The following GPATCH8 variants were observed in gnomAD, a reference collection of about 807,000 sequenced individuals.
GPATCH8 encodes the protein G-patch domain containing 8, also known as G patch domain-containing protein 8.
A neutral mutation model predicts 118.3 loss-of-function variants in GPATCH8; 18 were observed. The observed-to-expected ratio is 0.15, with a 90% CI of 0.11 to 0.23. The LOEUF (loss-of-function observed/expected upper bound fraction) is 0.23. Among genes scored for constraint, GPATCH8 ranks in the 10% least tolerant of loss-of-function variants. The probability of loss-of-function intolerance (pLI) is 1.00; values close to 1 mark genes in which losing one functional copy is unlikely to be tolerated. For synonymous variants in GPATCH8, 659 were observed against 684.7 expected (o/e 0.96, Z 0.59); for missense variants, 1,631 against 1,873.8 (o/e 0.87, Z 2.39).
chr17:44,489,901 T>C (rs1265517958), intron 1 of GPATCH8, among the ~76,000 whole-genome samples: 1 of 152,172 alleles, frequency 6.6e-6, no homozygotes, highest in Non-Finnish European at 1.5e-5. Flanking sequence ...CAACAGGATC[T>C]GAAAGGTATT....
rs2051683787 is a variant in GPATCH8 at position 44,464,503 on chromosome 17, C to T, written c.162G>A (p.Lys54=). ...GAGATTTTCCCAATCCCTGGCCCAG[C>T]TTCCACCCATGTTTCTGGAGTAAGC... ...GHRLLQKHGW[K]LGQGLGKSLQ... Residue 54 remains lysine (K), a synonymous_variant, in exon 3 of 8, where the codon AAG becomes AAA. Coordinates refer to ENST00000591680, the MANE Select transcript of GPATCH8 (RefSeq NM_001002909.4). 1.9e-6 allele frequency: 3 copies of T among 1,606,072 alleles called. No individual in the cohort carries two copies. The highest frequency in any genetic ancestry group is 2.6e-6 in the Non-Finnish European group (3 of 1,173,704).
intron 1 of GPATCH8, among the ~76,000 whole-genome samples, chr17:44,500,807 A>C (rs1206757577): frequency 6.6e-6 from 1 of 152,248 alleles, no homozygotes; most frequent in East Asian, 1.9e-4. Context: ...GGCTTCACCC[A>C]AAACCTTAAA....
chr17:44,461,605 C>T (rs2051551783), intron 3 of GPATCH8, among the ~76,000 whole-genome samples: 1 of 152,102 alleles, frequency 6.6e-6, no homozygotes. Flanking sequence ...ATACTTGTTA[C>T]CATGGAGATG....
rs994587671 is a variant in GPATCH8 at position 44,424,236 on chromosome 17, T to C, written c.492+113A>G. 19 of 783,030 alleles carry C rather than the reference T, an allele frequency of 2.4e-5. No homozygotes were observed. The East Asian group carries it at 3.2e-4, about 13-fold the overall frequency. The allele number at this position is 783,030 out of a possible 1,614,324, so 48.5% of individuals were successfully genotyped here. A position where few individuals can be genotyped will look rare whatever the true frequency, so the allele number is the denominator to read the frequency against. On this transcript the variant is annotated intron_variant, in intron 6 of 7. Transcript: ENST00000591680. ...TGTGTTGGATGACTGCAGATAAAGA[T>C]TGGCAGACACAAGAAATCATAGACA... is the stretch of plus-strand genomic sequence containing the variant.
intron 5 of GPATCH8, among the ~76,000 whole-genome samples, chr17:44,429,649 A>AAC (rs144232073): frequency 0.056 from 7,024 of 125,630 alleles, 265 homozygotes; most frequent in African/African-American, 0.1. Flanking sequence ...GTCTCTACTA[A>AAC]ACACACACAC....
intron 1 of GPATCH8, among the ~76,000 whole-genome samples, chr17:44,496,182 T>C (rs1259252634): frequency 6.6e-6 from 1 of 152,204 alleles, no homozygotes; most frequent in Non-Finnish European, 1.5e-5. Context: ...CCTTTACTTC[T>C]TCTATAGTCA....
At chr17:44,497,152 G>A (rs1359818107) in intron 1 of GPATCH8, among the ~76,000 whole-genome samples, 2 of 152,154 alleles carry the variant, frequency 1.3e-5, no homozygotes, top group Non-Finnish European at 2.9e-5. Context: ...TAGAACTCAC[G>A]AACTGGAATC....
Position 44,398,717 on chromosome 17 carries a change from C to T in GPATCH8, c.3360G>A (p.Gly1120=), listed in dbSNP as rs148908969. The T allele has an allele frequency of 1.2e-4, 189 of 1,605,548 alleles. No individual in the cohort carries two copies. The highest frequency in any genetic ancestry group is 1.5e-4 in the Non-Finnish European group (172 of 1,174,574). The part of the protein sequence containing the change: ...EEVQATPNKA[G]PKLKDPPQGY... ...CTTGTGGGGGGTCCTTGAGCTTGGG[C>T]CCAGCTTTATTAGGGGTGGCCTGCA... The change falls in exon 8 of 8, where the codon GGG becomes GGA. Residue 1120 remains glycine (G), a synonymous_variant. Transcript: ENST00000591680.
intron 1 of GPATCH8, among the ~76,000 whole-genome samples, chr17:44,482,583 A>G (rs1568054229): frequency 6.6e-6 from 1 of 151,742 alleles, no homozygotes; most frequent in Non-Finnish European, 1.5e-5. Flanking sequence ...CAAAAAAAAA[A>G]AAAAAAAAAC....
intron 6 of GPATCH8, among the ~76,000 whole-genome samples, chr17:44,417,245 G>A (rs562970030): frequency 1.2e-4 from 18 of 152,240 alleles, no homozygotes; most frequent in South Asian, 4.2e-4. Flanking sequence ...AAAAGCAGAT[G>A]CAAACAGTTT....
intron 2 of GPATCH8, among the ~76,000 whole-genome samples, chr17:44,472,687 T>C (rs1263270110): frequency 2.6e-5 from 4 of 151,978 alleles, no homozygotes; most frequent in Non-Finnish European, 5.9e-5. Context: ...GTTTTTTTTG[T>C]TTTTGTTTTT....
intron 5 of GPATCH8, among the ~76,000 whole-genome samples, chr17:44,425,115 C>CA (rs2050044388): frequency 6.6e-6 from 1 of 151,960 alleles, no homozygotes; most frequent in Non-Finnish European, 1.5e-5. Context: ...AAAGACATCT[C>CA]AAAAAGGAAA....
Position 44,428,366 on chromosome 17 carries a change from G to A in GPATCH8, c.349-3874C>T, listed in dbSNP as rs557989213. 5.9e-5 allele frequency among the ~76,000 whole-genome samples: 9 copies of A among 151,786 alleles called. No individual in the cohort carries two copies. In the South Asian group the frequency reaches 1.3e-3, roughly 21 times the overall value. On this transcript the variant is annotated intron_variant, in intron 5 of 7. Transcript: ENST00000591680. ...AAATCAGCCAGGTGTGGTGGTGGGC[G>A]CCTGTAATCCCAGCTACTTGGGAGG...
chr17:44,424,636 A>C, intron 5 of GPATCH8, 144 bp from the exon 6 acceptor site: 1 of 677,630 alleles, frequency 1.5e-6, no homozygotes, highest in Non-Finnish European at 2.6e-6. Context: ...TGGATGAAAC[A>C]CAAGTGGTAC....
At chr17:44,463,675 C>T (rs1256639963) in intron 3 of GPATCH8, among the ~76,000 whole-genome samples, 6 of 152,194 alleles carry the variant, frequency 3.9e-5, no homozygotes, top group South Asian at 2.1e-4. Flanking sequence ...CCACCGCGCC[C>T]GGCCAATTCC....
intron 6 of GPATCH8, among the ~76,000 whole-genome samples, chr17:44,412,803 C>T (rs2049494026): frequency 6.6e-6 from 1 of 152,196 alleles, no homozygotes; most frequent in Admixed American, 6.5e-5. Context: ...TGTCAATGAT[C>T]CTGCATACCA....
chr17:44,454,321 C>T (rs1044354331), intron 3 of GPATCH8, among the ~76,000 whole-genome samples: 1 of 152,124 alleles, frequency 6.6e-6, no homozygotes, highest in African/African-American at 2.4e-5. Flanking sequence ...AGGGGTCTCA[C>T]TATGTCGCCC....
intron 1 of GPATCH8, among the ~76,000 whole-genome samples, chr17:44,485,346 T>G (rs567837016): frequency 4.6e-5 from 7 of 152,300 alleles, no homozygotes; most frequent in African/African-American, 1.7e-4. Context: ...ACCCCTGGTC[T>G]CAGGTGATCC....
chr17:44,439,716 T>C (rs2144071671), intron 3 of GPATCH8, among the ~76,000 whole-genome samples: 1 of 152,228 alleles, frequency 6.6e-6, no homozygotes, highest in East Asian at 1.9e-4. Flanking sequence ...AATACCAATT[T>C]GTAGTGATGA....
Sources: allele counts gnomAD v4.1 joint callset (sites outside exome capture counted in the v4.1 genomes callset), GRCh38; gene constraint gnomAD v4.1.1; transcripts MANE v1.5; gene names NCBI Gene and HGNC (gene_info 2026-07-23, HGNC 2026-07-21).